AXDND1: variants seen among roughly 807,000 people sequenced by gnomAD.
The protein encoded by AXDND1 is axonemal dynein light chain domain containing 1, also known as axonemal dynein light chain domain-containing protein 1.
AXDND1 carries 110 observed loss-of-function variants against 137.5 expected under a neutral mutation model. The observed-to-expected ratio is 0.80, with a 90% CI of 0.69 to 0.94. The LOEUF is 0.94. Among genes scored for constraint, AXDND1 ranks in the 40% least tolerant of loss-of-function variants. AXDND1 has a pLI of 0.00. For synonymous variants in AXDND1, 414 were observed against 399.7 expected, an observed-to-expected ratio of 1.04 and a Z score of -0.43; for missense variants, 1,191 against 1,169.8, an observed-to-expected ratio of 1.02 and a Z score of -0.26.
intron 25 of AXDND1, chr1:179,552,659 C>A (rs201408880): frequency 4.3e-6 from 7 of 1,613,800 alleles, no homozygotes; most frequent in Non-Finnish European, 3.4e-6. Context: ...TGCTGAAGCC[C>A]AGCTGGCAAC....
chr1:179,408,670 C>A (rs751235069), intron 11 of AXDND1, among the ~76,000 whole-genome samples: 1 of 152,160 alleles, frequency 6.6e-6, no homozygotes, highest in South Asian at 2.1e-4. Context: ...AGCCACCAAA[C>A]CTGGATAATT....
chr1:179,443,243 C>A (rs999876172), intron 15 of AXDND1, among the ~76,000 whole-genome samples: 5 of 152,142 alleles, frequency 3.3e-5, no homozygotes, highest in African/African-American at 1.2e-4. Context: ...GAGTTGGTCC[C>A]GTCCCACGGG....
rs371664350 is a variant in AXDND1, at chr1:179,552,624, C to T, written c.3032-1888C>T. 5.4e-5 allele frequency: 87 copies of T among 1,613,560 alleles called. No homozygotes were observed. Among genetic ancestry groups the T allele is most frequent in the Admixed American group, 1.7e-4 (10 of 59,974 alleles). On this transcript the variant is annotated intron_variant, in intron 25 of 25. Coordinates refer to ENST00000367618, the MANE Select transcript of AXDND1 (RefSeq NM_144696.6). ...TCACCCGCACTTTGGCTTGTCTTTGCGCTTCAGCCTCCACAGCCAGTGAGT... is the reference window on the plus strand; with the variant it reads ...TCACCCGCACTTTGGCTTGTCTTTGTGCTTCAGCCTCCACAGCCAGTGAGT...
At chr1:179,473,453 G>A (rs561688277) in intron 17 of AXDND1, among the ~76,000 whole-genome samples, 38 of 152,110 alleles carry the variant, frequency 2.5e-4, no homozygotes, top group African/African-American at 6.0e-4. Flanking sequence ...AGCCGAGATC[G>A]CGCCATTGCA....
Position 179,492,011 on chromosome 1 carries a change from T to C in AXDND1, c.2291+274T>C, listed in dbSNP as rs536464536. On this transcript the variant is annotated intron_variant, in intron 19 of 25. Coordinates refer to ENST00000367618, the MANE Select transcript of AXDND1 (RefSeq NM_144696.6). Reference sequence around the variant, plus strand: ...CACTTTCTTGCATAAATAAGACACATCTTACACTTTTACACATACTGGTGA... The same window carrying C: ...CACTTTCTTGCATAAATAAGACACACCTTACACTTTTACACATACTGGTGA... 9.4e-4 allele frequency among the ~76,000 whole-genome samples: 143 copies of C among 152,298 alleles called. 1 individual carries two copies. Among genetic ancestry groups the C allele is most frequent in the Middle Eastern group, 6.8e-3 (2 of 294 alleles).
intron 15 of AXDND1, among the ~76,000 whole-genome samples, chr1:179,439,677 A>C (rs892371838): frequency 6.6e-6 from 1 of 152,196 alleles, no homozygotes. Context: ...GTAGTTTCTC[A>C]GCTTCCTGCA....
At chr1:179,484,825 C>G (rs1315413734) in intron 18 of AXDND1, among the ~76,000 whole-genome samples, 1 of 152,224 alleles carries the variant, frequency 6.6e-6, no homozygotes, top group African/African-American at 2.4e-5. Context: ...ATAACCAATG[C>G]AAAGGTATGC....
intron 16 of AXDND1, among the ~76,000 whole-genome samples, chr1:179,466,568 A>G (rs1040081789): frequency 6.6e-6 from 1 of 152,078 alleles, no homozygotes; most frequent in Non-Finnish European, 1.5e-5. Flanking sequence ...TAGAGTTTCT[A>G]GTTCTCTGCT....
At chr1:179,472,471 A>G (rs1471969361) in intron 17 of AXDND1, among the ~76,000 whole-genome samples, 1 of 152,120 alleles carries the variant, frequency 6.6e-6, no homozygotes, top group Non-Finnish European at 1.5e-5. Context: ...TGTATATTTC[A>G]TTTTTATTGG....
chr1:179,525,515 G>C, intron 22 of AXDND1, 68 bp downstream of exon 22: 2 of 1,473,510 alleles, frequency 1.4e-6, no homozygotes, highest in East Asian at 2.5e-5. Flanking sequence ...ATATATTTTA[G>C]AGACAGGGTC....
chr1:179,448,438 C>A, intron 16 of AXDND1: 1 of 542,998 alleles, frequency 1.8e-6, no homozygotes, highest in South Asian at 2.1e-5. Flanking sequence ...TCTTCTGCAC[C>A]ATTTTCAGCC....
chr1:179,501,500 A>G (rs1667995267), intron 20 of AXDND1, among the ~76,000 whole-genome samples: 1 of 152,186 alleles, frequency 6.6e-6, no homozygotes, highest in East Asian at 1.9e-4. Flanking sequence ...TCATGAGGTC[A>G]GGAGATCGAG....
chr1:179,463,071 T>C (rs928254270), intron 16 of AXDND1, among the ~76,000 whole-genome samples: 5 of 152,138 alleles, frequency 3.3e-5, no homozygotes, highest in African/African-American at 9.7e-5. Flanking sequence ...AAAAAACCAG[T>C]TCCTGGATTC....
intron 25 of AXDND1, among the ~76,000 whole-genome samples, chr1:179,538,293 A>G (rs1349609186): frequency 6.6e-6 from 1 of 152,096 alleles, no homozygotes; most frequent in Admixed American, 6.5e-5. Flanking sequence ...TAGGGTGTCA[A>G]TGTTAGATCT....
At chr1:179,455,954 CA>C (rs962318449) in intron 16 of AXDND1, 130 of 228,194 alleles carry the variant, frequency 5.7e-4, no homozygotes, top group Middle Eastern at 1.7e-3. Flanking sequence ...GCATGGGTGC[CA>C]AAAAAAAAAA....
chr1:179,397,815 A>G (rs12741425), intron 11 of AXDND1, among the ~76,000 whole-genome samples: 33,489 of 149,480 alleles, frequency 0.22, 3,725 homozygotes, highest in Non-Finnish European at 0.24. Context: ...AAGTTATTGT[A>G]GAACATTTTT....
chr1:179,444,393 A>G (rs897480551), intron 15 of AXDND1, among the ~76,000 whole-genome samples: 1 of 152,112 alleles, frequency 6.6e-6, no homozygotes, highest in African/African-American at 2.4e-5. Context: ...TTGCTCTTCT[A>G]CACTGTCTCC....
intron 21 of AXDND1, among the ~76,000 whole-genome samples, chr1:179,511,246 GC>G (rs1669019915): frequency 6.6e-6 from 1 of 151,192 alleles, no homozygotes; most frequent in Non-Finnish European, 1.5e-5. Context: ...TGGCTGAGTA[GC>G]ATTCCATCAT....
At chr1:179,415,112 C>G (rs1210013298) in intron 12 of AXDND1, among the ~76,000 whole-genome samples, 1 of 152,176 alleles carries the variant, frequency 6.6e-6, no homozygotes, top group African/African-American at 2.4e-5. Flanking sequence ...GAGGCCAAGG[C>G]AAGTGGATCA....
Sources: gnomAD v4.1 joint callset for allele counts (sites outside exome capture counted in the v4.1 genomes callset) on GRCh38, gnomAD v4.1.1 for gene constraint, MANE v1.5 for transcripts, NCBI Gene and HGNC (gene_info 2026-07-23, HGNC 2026-07-21) for gene names.